The following RBMS3 variants were observed in gnomAD, a reference collection of about 807,000 sequenced individuals.
The protein encoded by RBMS3 is RNA binding motif single stranded interacting protein 3.
In RBMS3, 27 loss-of-function variants were observed where a neutral mutation model predicts 66.8. That is an observed-to-expected ratio of 0.40 (90% CI 0.30 to 0.56). The LOEUF is 0.56. RBMS3 is among the 20% of genes least tolerant of loss of function. RBMS3 has a pLI of 0.40. For missense variants in RBMS3, 513 were observed against 549.5 expected, an observed-to-expected ratio of 0.93 and a Z score of 0.66; for synonymous variants, 188 against 183.0, an observed-to-expected ratio of 1.03 and a Z score of -0.22.
chr3:29,491,282 T>C (rs952047248), intron 3 of RBMS3, among the ~76,000 whole-genome samples: 1 of 152,170 alleles, frequency 6.6e-6, no homozygotes, highest in Non-Finnish European at 1.5e-5. Context: ...GCTTATTTAA[T>C]TTTCTGTTTC....
intron 3 of RBMS3, among the ~76,000 whole-genome samples, chr3:29,534,705 C>T (rs2045486525): frequency 6.6e-6 from 1 of 152,076 alleles, no homozygotes; most frequent in Admixed American, 6.6e-5. Context: ...TATATCAAAT[C>T]TTCTAGATGG....
chr3:29,887,542 C>T (rs1036681795), intron 8 of RBMS3, among the ~76,000 whole-genome samples: 1 of 151,802 alleles, frequency 6.6e-6, no homozygotes, highest in African/African-American at 2.4e-5. Flanking sequence ...CTGTACATTT[C>T]CTGAGGCCTC....
chr3:29,532,868 G>GA (rs1444868355), intron 3 of RBMS3, among the ~76,000 whole-genome samples: 9 of 151,586 alleles, frequency 5.9e-5, no homozygotes, highest in African/African-American at 2.2e-4. Flanking sequence ...TCTGTGAAGT[G>GA]AAAAAAAATC....
At chr3:29,462,582 C>G (rs982211580) in intron 2 of RBMS3, among the ~76,000 whole-genome samples, 4 of 152,202 alleles carry the variant, frequency 2.6e-5, no homozygotes, top group Admixed American at 2.0e-4. Flanking sequence ...ATGCTACCCA[C>G]TCTCTCTGTG....
rs146631777 is a variant in RBMS3 at position 29,872,328 on chromosome 3, A to G, written c.744+3364A>G. 8.5e-3 allele frequency among the ~76,000 whole-genome samples: 1,288 copies of G among 152,230 alleles called. 15 individuals carry two copies. The highest frequency in any genetic ancestry group is 0.03 in the African/African-American group (1,236 of 41,544). ...TTTGAGAAAAGTGGTGGACTTTTCT[A>G]TTTTTACAAATCGCTTTAATGTCTG... is the stretch of plus-strand genomic sequence containing the variant. On this transcript the variant is annotated intron_variant, in intron 7 of 14. Transcript: ENST00000383767.
intron 10 of RBMS3, among the ~76,000 whole-genome samples, chr3:29,922,339 T>A (rs905251368): frequency 4.0e-5 from 6 of 149,798 alleles, no homozygotes; most frequent in Non-Finnish European, 8.9e-5. Context: ...TACAAAAAAT[T>A]AGCCGGGCGC....
At position 29,778,989 on chromosome 3, in the gene RBMS3, A is replaced by G. The variant is rs73831022; in HGVS notation, c.637+16000A>G. On this transcript the variant is annotated intron_variant, in intron 6 of 14. Transcript: ENST00000383767. ...ACCAACCTTCTTCCCTACATGATAC[A>G]TAGAATGAATATTAATATCCTGTAT... 6.2e-3 allele frequency among the ~76,000 whole-genome samples: 943 copies of G among 151,962 alleles called. 13 individuals are homozygous for G. The highest frequency in any genetic ancestry group is 0.028 in the South Asian group (135 of 4,826).
At chr3:29,794,490 G>A (rs1308892661) in intron 6 of RBMS3, among the ~76,000 whole-genome samples, 1 of 152,260 alleles carries the variant, frequency 6.6e-6, no homozygotes, top group Middle Eastern at 3.4e-3. Context: ...GGAGGCTGAG[G>A]CAGGAGAATG....
At chr3:29,400,615 A>T (rs1268926054) in intron 1 of RBMS3, among the ~76,000 whole-genome samples, 2 of 151,978 alleles carry the variant, frequency 1.3e-5, no homozygotes, top group East Asian at 3.9e-4. Context: ...GACAAGCAGA[A>T]CAAAAGCGAG....
intron 6 of RBMS3, among the ~76,000 whole-genome samples, chr3:29,849,883 T>C (rs2058889502): frequency 1.3e-5 from 2 of 152,230 alleles, no homozygotes; most frequent in Non-Finnish European, 2.9e-5. Context: ...GCTCAGACAC[T>C]GGAGGAGTAA....
chr3:29,466,024 C>T (rs538935501), intron 2 of RBMS3, among the ~76,000 whole-genome samples: 1 of 151,848 alleles, frequency 6.6e-6, no homozygotes, highest in African/African-American at 2.4e-5. Flanking sequence ...AGCATGACTC[C>T]ACTGCAGGAC....
At chr3:29,836,471 C>T (rs2058510707) in intron 6 of RBMS3, among the ~76,000 whole-genome samples, 2 of 151,928 alleles carry the variant, frequency 1.3e-5, no homozygotes, top group African/African-American at 2.4e-5. Context: ...ACATATACCG[C>T]AGCACCTCAC....
At chr3:29,415,800 G>C (rs899772210) in intron 1 of RBMS3, among the ~76,000 whole-genome samples, 1 of 152,026 alleles carries the variant, frequency 6.6e-6, no homozygotes, top group Non-Finnish European at 1.5e-5. Flanking sequence ...GATGTATCCA[G>C]ATGTTAAATT....
At chr3:29,529,202 A>G (rs566770844) in intron 3 of RBMS3, among the ~76,000 whole-genome samples, 5 of 152,338 alleles carry the variant, frequency 3.3e-5, no homozygotes, top group East Asian at 1.9e-4. Context: ...TTATTGATCT[A>G]TTGTAACTGT....
chr3:29,616,779 A>G (rs1037436707), intron 4 of RBMS3: 2 of 152,206 alleles, frequency 1.3e-5, no homozygotes, highest in African/African-American at 4.8e-5. Flanking sequence ...TAAATAGAAT[A>G]TGTTTCATCA....
chr3:29,496,195 CAAAAAA>C (rs60639896), intron 3 of RBMS3, among the ~76,000 whole-genome samples: 2 of 110,496 alleles, frequency 1.8e-5, no homozygotes, highest in Admixed American at 8.8e-5. Flanking sequence ...CCGCCCACAT[CAAAAAA>C]AAAAAAAAAA....
At chr3:29,703,590 G>A (rs2052733068) in intron 4 of RBMS3, among the ~76,000 whole-genome samples, 1 of 152,156 alleles carries the variant, frequency 6.6e-6, no homozygotes, top group African/African-American at 2.4e-5. Flanking sequence ...TACCCTGGTA[G>A]TGCCATGTTA....
chr3:29,416,789 C>T (rs918478011), intron 1 of RBMS3, among the ~76,000 whole-genome samples: 1 of 152,086 alleles, frequency 6.6e-6, no homozygotes, highest in Non-Finnish European at 1.5e-5. Flanking sequence ...GTGCCCAACA[C>T]TGGAAGGATG....
chr3:29,410,279 T>C (rs1279970565), intron 1 of RBMS3, among the ~76,000 whole-genome samples: 1 of 152,222 alleles, frequency 6.6e-6, no homozygotes, highest in Non-Finnish European at 1.5e-5. Flanking sequence ...ACTGCTGGCC[T>C]TCTAACAAAT....
Sources: allele counts gnomAD v4.1 joint callset (sites outside exome capture counted in the v4.1 genomes callset), GRCh38; gene constraint gnomAD v4.1.1; transcripts MANE v1.5; gene names NCBI Gene and HGNC (gene_info 2026-07-23, HGNC 2026-07-21).